The following TBX4 variants were observed in gnomAD, a reference collection of about 807,000 sequenced individuals.
The protein encoded by TBX4 is T-box transcription factor TBX4.
In TBX4, 13 loss-of-function variants were observed where a neutral mutation model predicts 54.6. That is an observed-to-expected ratio of 0.24 (90% CI 0.15 to 0.38). TBX4 has a LOEUF of 0.38. Ranked by LOEUF, TBX4 falls within the 10% of genes least tolerant of loss-of-function variation. TBX4 has a pLI of 1.00. For missense variants in TBX4, 631 were observed against 728.5 expected (o/e 0.87, Z 1.54); for synonymous variants, 314 against 306.7 (o/e 1.02, Z -0.25).
At position 61,474,481 on chromosome 17, in the gene TBX4, A is replaced by G. The variant is rs1272975316; in HGVS notation, c.550-4146A>G. Among the ~76,000 whole-genome samples, 1 of 152,142 alleles carries G rather than the reference A, an allele frequency of 6.6e-6. No individual in the cohort carries two copies. The highest frequency in any genetic ancestry group is 1.9e-4 in the East Asian group (1 of 5,182). ...TAGAGAGCTGGACACGAATGATCTC[A>G]ATGGCCTGCCTCTCCATGCCCTAAT... On this transcript the variant is annotated intron_variant, in intron 5 of 8. Transcript: ENST00000644296. This position sits in a 1 kb window ranked among gnomAD's most constrained non-coding sequence, Gnocchi z 4.6.
intron 1 of TBX4, among the ~76,000 whole-genome samples, chr17:61,455,505 C>A (rs1185274054): frequency 6.6e-6 from 1 of 152,228 alleles, no homozygotes; most frequent in East Asian, 1.9e-4. Flanking sequence ...CATCCCGAGG[C>A]CCCAGGACCT....
Position 61,483,331 on chromosome 17 carries a change from C to T in TBX4, c.1456C>T (p.Arg486Trp), listed in dbSNP as rs746302650. 1.1e-5 allele frequency: 18 copies of T among 1,609,944 alleles called. No homozygotes were observed. Among genetic ancestry groups the T allele is most frequent in the South Asian group, 6.6e-5 (6 of 90,896 alleles). Residue 486 changes from arginine to tryptophan, a missense_variant, in exon 9 of 9, where the codon CGG becomes TGG. By Grantham distance (101) the Arg-to-Trp change is moderately radical (BLOSUM62 -3). Around this residue, in one of 3 missense-constraint regions of TBX4, gnomAD observed 354 missense variants for 368.9 expected, o/e 0.96. Transcript: ENST00000644296. The surrounding 1 kb of genome is among the most constrained non-coding windows in gnomAD (Gnocchi z 6.6). ...GCTCTCCCAGTCTCAGGTCCGAGAG[C>T]GGGGGCCCAGCGCCTCATTCCCAAG... ...NQLSQSQVRERGPSASFPRER... is the reference protein window; with the variant it reads ...NQLSQSQVREWGPSASFPRER...
rs1175162983 is a variant in TBX4, at chr17:61,457,217, G to T, written c.187-320G>T. On this transcript the variant is annotated intron_variant, in intron 2 of 8. Coordinates refer to ENST00000644296, the MANE Select transcript of TBX4 (RefSeq NM_001321120.2). This position sits in a 1 kb window ranked among gnomAD's most constrained non-coding sequence, Gnocchi z 8.2. Reference sequence around the variant, plus strand: ...CGTGCGCCTCTCCCTGTCTGTGTCTGCCCCGGGAGCCTGTGGCGATGGCCC... The same window carrying T: ...CGTGCGCCTCTCCCTGTCTGTGTCTTCCCCGGGAGCCTGTGGCGATGGCCC... 6.6e-6 allele frequency among the ~76,000 whole-genome samples: 1 copy of T among 152,176 alleles called. No homozygotes were observed. The highest frequency in any genetic ancestry group is 6.5e-5 in the Admixed American group (1 of 15,288).
rs958442949 is a variant in TBX4 at position 61,472,117 on chromosome 17, GT to G, written c.549+4467del. ...CCAGTTCTTGTTGAAGGAATTAGAT[GT>G]TTTTTTATTCTTTGCTCTTCTGATT... On this transcript the variant is annotated intron_variant, in intron 5 of 8. Transcript: ENST00000644296. This position sits in a 1 kb window ranked among gnomAD's most constrained non-coding sequence, Gnocchi z 4.5. 5.9e-5 allele frequency among the ~76,000 whole-genome samples: 9 copies of G among 152,112 alleles called. No individual in the cohort carries two copies. In the East Asian group the frequency reaches 1.7e-3, roughly 29 times the overall value.
In TBX4 at chr17:61,465,252, G is replaced by A. The variant is rs1055531663; in HGVS notation, c.282-567G>A. ...CACTGGAAGAACCCAAACCTAGCAG[G>A]GTTTTGGACAGCAGTCTCCTGTTTT... On this transcript the variant is annotated intron_variant, in intron 3 of 8. Transcript: ENST00000644296. The surrounding 1 kb of genome is among the most constrained non-coding windows in gnomAD (Gnocchi z 4.9). 3.3e-5 allele frequency among the ~76,000 whole-genome samples: 5 copies of A among 152,170 alleles called. No homozygotes were observed. The highest frequency in any genetic ancestry group is 7.3e-5 in the Non-Finnish European group (5 of 68,028).
Position 61,480,403 on chromosome 17 carries a change from C to CT in TBX4, c.1021+84_1021+85insT. ...GAAACCACTCTGCAGCGCCCCCCCC[C>CT]CCAACACACACACACTCATCTCGTG... On this transcript the variant is annotated intron_variant, in intron 8 of 8. Coordinates refer to ENST00000644296, the MANE Select transcript of TBX4 (RefSeq NM_001321120.2). This position sits in a 1 kb window ranked among gnomAD's most constrained non-coding sequence, Gnocchi z 6.2. 8.9e-7 allele frequency: 1 copy of CT among 1,118,816 alleles called. No individual in the cohort carries two copies. The highest frequency in any genetic ancestry group is 1.6e-5 in the African/African-American group (1 of 64,262). The allele number at this position is 1,118,816 out of a possible 1,614,324, so 69.3% of individuals were successfully genotyped here. A position where few individuals can be genotyped will look rare whatever the true frequency, so the allele number is the denominator to read the frequency against.
In TBX4 at chr17:61,460,633, G is replaced by C. The variant is rs1179504665; in HGVS notation, c.281+3002G>C. Reference sequence around the variant, plus strand: ...CAGAGGGTTCGTGCTGATAGCCGCAGACAGCAGATCCCTCTCTTGGCCTCC... The same window carrying C: ...CAGAGGGTTCGTGCTGATAGCCGCACACAGCAGATCCCTCTCTTGGCCTCC... On this transcript the variant is annotated intron_variant, in intron 3 of 8. Coordinates refer to ENST00000644296, the MANE Select transcript of TBX4 (RefSeq NM_001321120.2). The surrounding 1 kb of genome is among the most constrained non-coding windows in gnomAD (Gnocchi z 4.4). 6.6e-6 allele frequency among the ~76,000 whole-genome samples: 1 copy of C among 152,120 alleles called. No individual in the cohort carries two copies. The highest frequency in any genetic ancestry group is 2.4e-5 in the African/African-American group (1 of 41,400).
intron 5 of TBX4, 93 bp downstream of exon 5, chr17:61,467,750 G>T: frequency 6.6e-7 from 1 of 1,519,432 alleles, no homozygotes; most frequent in Non-Finnish European, 9.1e-7. Flanking sequence ...AATCCACTCC[G>T]GGATCCAGCT....
At position 61,457,161 on chromosome 17, in the gene TBX4, C is replaced by G. The variant is rs141361780; in HGVS notation, c.187-376C>G. On this transcript the variant is annotated intron_variant, in intron 2 of 8. Transcript: ENST00000644296. The surrounding 1 kb of genome is among the most constrained non-coding windows in gnomAD (Gnocchi z 8.2). ...GATGCCGCCTGGGGATCTGTGTGCA[C>G]TATCTGCAGGCGCGCGCCTGGCCGA... is the stretch of plus-strand genomic sequence containing the variant. 6.1e-3 allele frequency among the ~76,000 whole-genome samples: 927 copies of G among 152,246 alleles called. 16 individuals carry two copies. Among genetic ancestry groups the G allele is most frequent in the African/African-American group, 0.021 (886 of 41,568 alleles).
chr17:61,464,811 G>A lies in TBX4; in HGVS notation c.282-1008G>A, dbSNP rs1286755514. Among the ~76,000 whole-genome samples the A allele has an allele frequency of 6.6e-6, 1 of 152,142 alleles. No individual in the cohort carries two copies. Among genetic ancestry groups the A allele is most frequent in the Non-Finnish European group, 1.5e-5 (1 of 68,016 alleles). ...CGTATGTGCTGAGGGGTGTGCGGAAGCCCCCTCTAGAATGTGCCTCGAACC... is the reference window on the plus strand; with the variant it reads ...CGTATGTGCTGAGGGGTGTGCGGAAACCCCCTCTAGAATGTGCCTCGAACC... On this transcript the variant is annotated intron_variant, in intron 3 of 8. Coordinates refer to ENST00000644296, the MANE Select transcript of TBX4 (RefSeq NM_001321120.2). This position sits in a 1 kb window ranked among gnomAD's most constrained non-coding sequence, Gnocchi z 5.8.
rs1333714275 is a variant in TBX4, at chr17:61,478,115, A to T, written c.550-512A>T. Among the ~76,000 whole-genome samples, 1 of 152,112 alleles carries T rather than the reference A, an allele frequency of 6.6e-6. No homozygotes were observed. Among genetic ancestry groups the T allele is most frequent in the Non-Finnish European group, 1.5e-5 (1 of 68,006 alleles). On this transcript the variant is annotated intron_variant, in intron 5 of 8. Transcript: ENST00000644296. The surrounding 1 kb of genome is among the most constrained non-coding windows in gnomAD (Gnocchi z 7.4). ...TTTCTAGAAGAGGCAGGTCATGTGT[A>T]AGAAGGGTATTGAGAAGAGGTGAGG...
At position 61,459,284 on chromosome 17, in the gene TBX4, A is replaced by G. The variant is rs2060477400; in HGVS notation, c.281+1653A>G. On this transcript the variant is annotated intron_variant, in intron 3 of 8. Coordinates refer to ENST00000644296, the MANE Select transcript of TBX4 (RefSeq NM_001321120.2). This position sits in a 1 kb window ranked among gnomAD's most constrained non-coding sequence, Gnocchi z 4.8. ...TCAGGGAAATGGTGACCGTAGACCT[A>G]TCTGCTGTCCCTTCCTTTTCTATCA... Among the ~76,000 whole-genome samples the G allele has an allele frequency of 6.6e-6, 1 of 152,202 alleles. No homozygotes were observed. The highest frequency in any genetic ancestry group is 2.4e-5 in the African/African-American group (1 of 41,472).
chr17:61,478,759 A>G lies in TBX4; in HGVS notation c.682A>G (p.Thr228Ala). 6.2e-7 allele frequency: 1 copy of G among 1,614,014 alleles called. No individual in the cohort carries two copies. Among genetic ancestry groups the G allele is most frequent in the Non-Finnish European group, 8.5e-7 (1 of 1,180,012 alleles). The change falls in exon 6 of 9, where the codon ACC (threonine) becomes GCC (alanine). Residue 228 changes from threonine to alanine, a missense_variant. By Grantham distance (58) the Thr-to-Ala change is moderately conservative. This residue lies in a region of TBX4 where 154 missense variants were observed against 238.6 expected (regional missense o/e 0.65). Transcript: ENST00000644296. This position sits in a 1 kb window ranked among gnomAD's most constrained non-coding sequence, Gnocchi z 7.4. ...CCCAGAGACCTCCTTCATCTCTGTG[A>G]CCTCCTACCAGAATCACAAGGTACA... Reference protein sequence around the residue: ...VFPETSFISVTSYQNHKITQL... With the variant: ...VFPETSFISVASYQNHKITQL...
chr17:61,478,745 C>T lies in TBX4; in HGVS notation c.668C>T (p.Ser223Phe), dbSNP rs1243886110. ...TGCACCCACGTGTTCCCAGAGACCT[C>T]CTTCATCTCTGTGACCTCCTACCAG... Reference protein sequence around the residue: ...AFCTHVFPETSFISVTSYQNH... With the variant: ...AFCTHVFPETFFISVTSYQNH... Residue 223 changes from serine (S) to phenylalanine (F), a missense_variant, in exon 6 of 9, where the codon TCC (serine) becomes TTC (phenylalanine). Transcript: ENST00000644296. This position sits in a 1 kb window ranked among gnomAD's most constrained non-coding sequence, Gnocchi z 7.4. 6.2e-7 allele frequency: 1 copy of T among 1,614,212 alleles called. No individual in the cohort carries two copies. The highest frequency in any genetic ancestry group is 2.2e-5 in the East Asian group (1 of 44,884).
Position 61,468,339 on chromosome 17 carries a change from G to T in TBX4, c.549+682G>T, listed in dbSNP as rs191463743. Among the ~76,000 whole-genome samples, 15 of 152,336 alleles carry T rather than the reference G, an allele frequency of 9.8e-5. No homozygotes were observed. The East Asian group carries it at 2.7e-3, about 27-fold the overall frequency. ...GGCCCTGGAAAGTCCACAAAAAAGA[G>T]ATTTTTATGTGGAAATTTTTAGCTC... On this transcript the variant is annotated intron_variant, in intron 5 of 8. Coordinates refer to ENST00000644296, the MANE Select transcript of TBX4 (RefSeq NM_001321120.2).
In TBX4 at chr17:61,465,855, C is replaced by T; in HGVS notation, c.318C>T (p.Gly106=). The change falls in exon 4 of 9, where the codon GGC becomes GGT. Residue 106 remains glycine, a synonymous_variant. Coordinates refer to ENST00000644296, the MANE Select transcript of TBX4 (RefSeq NM_001321120.2). This position sits in a 1 kb window ranked among gnomAD's most constrained non-coding sequence, Gnocchi z 4.9. Reference sequence around the variant, plus strand: ...CCAGCTACAAGGTAAAAGTCACAGGCATGAACCCCAAGACCAAGTATATCC... The same window carrying T: ...CCAGCTACAAGGTAAAAGTCACAGGTATGAACCCCAAGACCAAGTATATCC... The part of the protein sequence containing the change: ...MFPSYKVKVT[G]MNPKTKYILL... 6.2e-7 allele frequency: 1 copy of T among 1,614,162 alleles called. No homozygotes were observed. The highest frequency in any genetic ancestry group is 8.5e-7 in the Non-Finnish European group (1 of 1,179,996).
intron 1 of TBX4, among the ~76,000 whole-genome samples, chr17:61,454,533 G>A (rs919956696): frequency 3.3e-5 from 5 of 152,224 alleles, no homozygotes; most frequent in Non-Finnish European, 7.3e-5. Context: ...GGGCCAGCCG[G>A]GCGTGGAAAA....
chr17:61,464,786 C>T lies in TBX4; in HGVS notation c.282-1033C>T, dbSNP rs929774021. Among the ~76,000 whole-genome samples the T allele has an allele frequency of 6.6e-6, 1 of 152,190 alleles. No homozygotes were observed. Among genetic ancestry groups the T allele is most frequent in the East Asian group, 1.9e-4 (1 of 5,176 alleles). On this transcript the variant is annotated intron_variant, in intron 3 of 8. Coordinates refer to ENST00000644296, the MANE Select transcript of TBX4 (RefSeq NM_001321120.2). This position sits in a 1 kb window ranked among gnomAD's most constrained non-coding sequence, Gnocchi z 5.8. The stretch of plus-strand genomic sequence containing the variant: ...TGTATGCGCTGTGCTGTTGTGTGTG[C>T]GTATGTGCTGAGGGGTGTGCGGAAG...
chr17:61,456,415 G>C, intron 1 of TBX4, 73 bp from the exon 2 acceptor site: 3 of 1,531,470 alleles, frequency 2.0e-6, no homozygotes, highest in Non-Finnish European at 2.6e-6. Context: ...TCCCGGAATC[G>C]GCTGGAGAGG....
Sources: allele counts gnomAD v4.1 joint callset (sites outside exome capture counted in the v4.1 genomes callset), GRCh38; gene constraint gnomAD v4.1.1; regional missense constraint gnomAD v4.1.1; non-coding constraint Gnocchi (gnomAD v3.1); transcripts MANE v1.5; gene names NCBI Gene and HGNC (gene_info 2026-07-23, HGNC 2026-07-21).